Variants in SLC24A2 observed in about 807,000 individuals in gnomAD.
SLC24A2 encodes solute carrier family 24 member 2.
A neutral mutation model predicts 62.0 loss-of-function variants in SLC24A2; 36 were observed. The ratio of observed to expected loss-of-function variants is 0.58; its 90% CI spans 0.44 to 0.77. The LOEUF is 0.77. SLC24A2 is among the 30% of genes least tolerant of loss of function. The pLI is 0.00. For missense variants in SLC24A2, 846 were observed against 817.9 expected (o/e 1.03, Z -0.42); for synonymous variants, 358 against 294.0 (o/e 1.22, Z -2.23).
chr9:20,176,661 G>C, the SLC24A2 span, among the ~76,000 whole-genome samples: 1 of 151,944 alleles, frequency 6.6e-6, no homozygotes, highest in Non-Finnish European at 1.5e-5. Flanking sequence ...TTCAGCCAGG[G>C]GTATAAATGA....
chr9:20,266,586 T>C, the SLC24A2 span, among the ~76,000 whole-genome samples: 1 of 152,172 alleles, frequency 6.6e-6, no homozygotes, highest in East Asian at 1.9e-4. Context: ...AAATGTTTCT[T>C]TCCAGGAAAA....
the SLC24A2 span, among the ~76,000 whole-genome samples, chr9:20,255,971 C>G: frequency 6.6e-6 from 1 of 152,132 alleles, no homozygotes; most frequent in African/African-American, 2.4e-5. Flanking sequence ...GTTCTGGAGG[C>G]TGGAAAACCC....
intron 2 of SLC24A2, among the ~76,000 whole-genome samples, chr9:19,636,326 T>TTCCTTC (rs1491476004): frequency 1.1e-4 from 3 of 26,908 alleles, no homozygotes; most frequent in African/African-American, 1.6e-4. Flanking sequence ...TTTCTTTCTT[T>TTCCTTC]CTTTCTTTCT....
the SLC24A2 span, among the ~76,000 whole-genome samples, chr9:20,253,869 G>A: frequency 1.2e-4 from 18 of 152,214 alleles, no homozygotes; most frequent in African/African-American, 4.1e-4. Context: ...CCCGTTCTGG[G>A]CACCGCAATT....
chr9:20,246,842 G>C, the SLC24A2 span, among the ~76,000 whole-genome samples: 1 of 152,186 alleles, frequency 6.6e-6, no homozygotes, highest in Non-Finnish European at 1.5e-5. Context: ...CCTTGCATCT[G>C]CACCAGTCCC....
chr9:19,830,812 T>C, the SLC24A2 span, among the ~76,000 whole-genome samples: 1 of 152,162 alleles, frequency 6.6e-6, no homozygotes, highest in Non-Finnish European at 1.5e-5. Context: ...TGCCTGACTG[T>C]CTTAGTCTGT....
rs1401919660 is a variant in SLC24A2, at chr9:19,746,098, T to G, written c.930+39839A>C. Among the ~76,000 whole-genome samples the G allele has an allele frequency of 2.0e-5, 3 of 152,052 alleles. 1 individual carries two copies. The highest frequency in any genetic ancestry group is 4.1e-4 in the South Asian group (2 of 4,824). On this transcript the variant is annotated intron_variant, in intron 2 of 10. Transcript: ENST00000341998. ...TGCATTTCCCTCCTCCAATCTGTTT[T>G]TTTTTCTCTCTTTTTTTTTTTAAAT...
At chr9:20,149,323 C>T in the SLC24A2 span, among the ~76,000 whole-genome samples, 1 of 152,010 alleles carries the variant, frequency 6.6e-6, no homozygotes, top group Non-Finnish European at 1.5e-5. Context: ...TGCACACCAA[C>T]AATGAGGAGA....
At chr9:20,041,846 C>T in the SLC24A2 span, among the ~76,000 whole-genome samples, 1 of 152,260 alleles carries the variant, frequency 6.6e-6, no homozygotes, top group Non-Finnish European at 1.5e-5. Context: ...GCCCACCCAT[C>T]AAGTTCTTCC....
the SLC24A2 span, among the ~76,000 whole-genome samples, chr9:20,079,588 AG>A: frequency 6.6e-6 from 1 of 152,170 alleles, no homozygotes; most frequent in African/African-American, 2.4e-5. Flanking sequence ...GTTATTTTGC[AG>A]TTTTGAATAA....
intron 2 of SLC24A2, among the ~76,000 whole-genome samples, chr9:19,643,908 A>C (rs759191156): frequency 2.0e-5 from 3 of 152,202 alleles, no homozygotes; most frequent in Non-Finnish European, 4.4e-5. Flanking sequence ...TTCCTACTTG[A>C]GGAAGCTTGT....
chr9:20,209,861 G>T, the SLC24A2 span, among the ~76,000 whole-genome samples: 3 of 152,144 alleles, frequency 2.0e-5, no homozygotes, highest in Non-Finnish European at 2.9e-5. Context: ...ACTTTCAAAA[G>T]TATACATTTG....
intron 2 of SLC24A2, among the ~76,000 whole-genome samples, chr9:19,719,625 A>G (rs531042632): frequency 9.8e-5 from 15 of 152,342 alleles, no homozygotes; most frequent in African/African-American, 3.6e-4. Flanking sequence ...CCTGGGTTGC[A>G]CTTAGGAATT....
chr9:19,578,259 T>G (rs1266552746), intron 5 of SLC24A2, among the ~76,000 whole-genome samples: 2 of 151,480 alleles, frequency 1.3e-5, no homozygotes, highest in Non-Finnish European at 2.9e-5. Flanking sequence ...ACTAGAAAAT[T>G]GCCATTCTCA....
At chr9:19,613,640 C>CAGT (rs1229816677) in intron 4 of SLC24A2, among the ~76,000 whole-genome samples, 2 of 152,052 alleles carry the variant, frequency 1.3e-5, no homozygotes, top group Non-Finnish European at 2.9e-5. Flanking sequence ...GAAGTGGTAG[C>CAGT]AGTAGTAGTA....
chr9:20,288,862 G>C, the SLC24A2 span, among the ~76,000 whole-genome samples: 4 of 152,042 alleles, frequency 2.6e-5, no homozygotes, highest in African/African-American at 9.7e-5. Flanking sequence ...GTACAGTTCA[G>C]CTGCCATGTT....
At chr9:20,162,191 C>T in the SLC24A2 span, among the ~76,000 whole-genome samples, 8 of 151,682 alleles carry the variant, frequency 5.3e-5, no homozygotes, top group Admixed American at 5.3e-4. Flanking sequence ...AAGTTTGAGG[C>T]CAGTTTCACA....
chr9:19,731,148 C>A (rs1030936746), intron 2 of SLC24A2, among the ~76,000 whole-genome samples: 2 of 151,926 alleles, frequency 1.3e-5, no homozygotes, highest in African/African-American at 4.8e-5. Flanking sequence ...ATATCAAGCC[C>A]CAAATAAACT....
chr9:19,769,301 T>C (rs1822613435), intron 2 of SLC24A2, among the ~76,000 whole-genome samples: 1 of 152,322 alleles, frequency 6.6e-6, no homozygotes, highest in Middle Eastern at 3.4e-3. Flanking sequence ...CAGCATTTGA[T>C]CACTTCTCAC....
Sources: gnomAD v4.1 joint callset for allele counts (sites outside exome capture counted in the v4.1 genomes callset) on GRCh38, gnomAD v4.1.1 for gene constraint, MANE v1.5 for transcripts, NCBI Gene and HGNC (gene_info 2026-07-23, HGNC 2026-07-21) for gene names.